The following MDN1 variants were observed in gnomAD, a reference collection of about 807,000 sequenced individuals.
MDN1 encodes the protein midasin AAA ATPase 1, also known as midasin.
MDN1 carries 266 observed loss-of-function variants against 669.2 expected under a neutral mutation model. The ratio of observed to expected loss-of-function variants is 0.40; its 90% CI spans 0.36 to 0.44. The LOEUF is 0.44. Ranked by LOEUF, MDN1 falls within the 20% of genes least tolerant of loss-of-function variation. The pLI, the probability that MDN1 is intolerant of heterozygous loss-of-function variation, is 1.00. For missense variants in MDN1, 5,940 were observed against 6,754.0 expected (o/e 0.88, Z 4.22); for synonymous variants, 2,385 against 2,457.1 (o/e 0.97, Z 0.87).
chr6:89,754,183 C>G lies in MDN1; in HGVS notation c.2864G>C (p.Gly955Ala). 6.2e-7 allele frequency: 1 copy of G among 1,614,052 alleles called. No individual in the cohort carries two copies. The highest frequency in any genetic ancestry group is 8.5e-7 in the Non-Finnish European group (1 of 1,179,968). The change falls in exon 21 of 102, where the codon GGC (glycine) becomes GCC (alanine). Residue 955 changes from glycine to alanine, a missense_variant. Transcript: ENST00000369393. Reference protein sequence around the residue: ...RKESGTKLVDGTGHRPHYSLR... With the variant: ...RKESGTKLVDATGHRPHYSLR... Reference sequence around the variant, plus strand: ...GCTGTAGTGAGGTCTATGGCCAGTGCCATCCACCAGTTTGGTCCCAGACTC... The same window carrying G: ...GCTGTAGTGAGGTCTATGGCCAGTGGCATCCACCAGTTTGGTCCCAGACTC...
chr6:89,655,013 G>T (rs1196895606), intron 92 of MDN1, among the ~76,000 whole-genome samples: 5 of 152,150 alleles, frequency 3.3e-5, no homozygotes, highest in Non-Finnish European at 5.9e-5. Flanking sequence ...TAGCTCATAG[G>T]ATTAGTTGAG....
At chr6:89,789,639 G>A in intron 7 of MDN1, 141 bp downstream of exon 7, 1 of 947,912 alleles carries the variant, frequency 1.1e-6, no homozygotes, top group African/African-American at 1.7e-5. Context: ...GATCAGGTAA[G>A]TAACCATGAA....
In MDN1 at chr6:89,673,301, A is replaced by G; in HGVS notation, c.13409T>C (p.Ile4470Thr). ...VESLEYVRGE[I>T]SKAMADFTTW... ...AGTAAAGTCAGCCATGGCTTTACTA[A>G]TTTCTCCTCTTACATATTCCAGACT... The change falls in exon 80 of 102, where the codon ATT becomes ACT. Residue 4470 changes from isoleucine (I) to threonine (T), a missense_variant. Coordinates refer to ENST00000369393, the MANE Select transcript of MDN1 (RefSeq NM_014611.3). 1 of 1,614,136 alleles carries G rather than the reference A, an allele frequency of 6.2e-7. No homozygotes were observed. Among genetic ancestry groups the G allele is most frequent in the East Asian group, 2.2e-5 (1 of 44,880 alleles).
At position 89,706,150 on chromosome 6, in the gene MDN1, T is replaced by C. The variant is rs576191571; in HGVS notation, c.8057A>G (p.Asn2686Ser). ...ACAAAGTTCAAAAAAAGCAGCAAGA[T>C]TGACCACAATTTCATGGGGCAGAGT... ...YHTLPHEIVVNLAAFFELCDA... is the reference protein window; with the variant it reads ...YHTLPHEIVVSLAAFFELCDA... The change falls in exon 53 of 102, where the codon AAT becomes AGT. Residue 2686 changes from asparagine to serine, a missense_variant. Physicochemically the swap from Asn to Ser is conservative, Grantham distance 46. Coordinates refer to ENST00000369393, the MANE Select transcript of MDN1 (RefSeq NM_014611.3). The C allele has an allele frequency of 3.0e-5, 48 of 1,613,694 alleles. 1 individual carries two copies. The Admixed American group carries it at 3.5e-4, about 12-fold the overall frequency.
rs9294447 is a variant in MDN1 at position 89,696,848 on chromosome 6, G to C, written c.9169-274C>G. Among the ~76,000 whole-genome samples, 5,748 of 152,236 alleles carry C rather than the reference G, an allele frequency of 0.038. 628 individuals carry two copies. In the East Asian group the frequency reaches 0.4, roughly 10 times the overall value. Reference sequence around the variant, plus strand: ...AGAGCACATTCTTGCAGAAGGGAAAGAAACACACTGCAGGAGGATAAGAGC... The same window carrying C: ...AGAGCACATTCTTGCAGAAGGGAAACAAACACACTGCAGGAGGATAAGAGC... On this transcript the variant is annotated intron_variant, in intron 59 of 101. Coordinates refer to ENST00000369393, the MANE Select transcript of MDN1 (RefSeq NM_014611.3).
At chr6:89,740,707 G>A (rs1207418299) in intron 31 of MDN1, among the ~76,000 whole-genome samples, 1 of 152,276 alleles carries the variant, frequency 6.6e-6, no homozygotes, top group South Asian at 2.1e-4. Context: ...TCATTGACTG[G>A]TGAATGGATA....
rs1220933015 is a variant in MDN1, at chr6:89,712,858, A to G, written c.7219-72T>C. On this transcript the variant is annotated intron_variant, in intron 47 of 101. Transcript: ENST00000369393. ...ATATTCCCCAAAAACCAGCAAAGTAATAATAGTCCATGCGACCACCTCACA... is the reference window on the plus strand; with the variant it reads ...ATATTCCCCAAAAACCAGCAAAGTAGTAATAGTCCATGCGACCACCTCACA... 6.6e-6 allele frequency: 9 copies of G among 1,370,524 alleles called. No homozygotes were observed. The Admixed American group carries it at 9.1e-5, about 14-fold the overall frequency. The allele number at this position is 1,370,524 out of a possible 1,614,324, so 84.9% of individuals were successfully genotyped here. A position where few individuals can be genotyped will look rare whatever the true frequency, so the allele number is the denominator to read the frequency against.
chr6:89,810,902 T>G (rs1007162519), intron 1 of MDN1, among the ~76,000 whole-genome samples: 6 of 152,090 alleles, frequency 3.9e-5, no homozygotes, highest in African/African-American at 1.4e-4. Context: ...GGCAGGAGAA[T>G]TGCTTGAACC....
intron 9 of MDN1, among the ~76,000 whole-genome samples, 173 bp from the exon 10 acceptor site, chr6:89,781,765 G>A (rs911084614): frequency 1.1e-5 from 1 of 91,226 alleles, no homozygotes; most frequent in Non-Finnish European, 2.2e-5. Context: ...CCAAGGCAGA[G>A]GAATTGCTTG....
chr6:89,778,931 T>TAAAA (rs748156380), intron 11 of MDN1, among the ~76,000 whole-genome samples: 153 of 138,000 alleles, frequency 1.1e-3, no homozygotes, highest in African/African-American at 4.1e-3. Context: ...AATAAATAAA[T>TAAAA]AAAAAAAAAG....
At chr6:89,656,048 G>C in intron 91 of MDN1, 80 bp from the exon 92 acceptor site, 1 of 1,277,410 alleles carries the variant, frequency 7.8e-7, no homozygotes, top group Non-Finnish European at 1.1e-6. Context: ...TCCATCTATA[G>C]GGGACAGGAT....
In MDN1 at chr6:89,772,458, T is replaced by G. The variant is rs1282829704; in HGVS notation, c.2083+115A>C. ...GTTATTTCCAGGCAGAGATTACATG[T>G]GGGGTGCTGGCACTCTTTAAACTCT... On this transcript the variant is annotated intron_variant, in intron 14 of 101. Transcript: ENST00000369393. The G allele has an allele frequency of 1.2e-5, 13 of 1,104,542 alleles. No homozygotes were observed. In the East Asian group the frequency reaches 1.9e-4, roughly 16 times the overall value. 68.4% of individuals were successfully genotyped at this position (1,104,542 alleles called of 1,614,324 possible).
At chr6:89,705,548 T>A (rs938319196) in intron 53 of MDN1, among the ~76,000 whole-genome samples, 1 of 152,194 alleles carries the variant, frequency 6.6e-6, no homozygotes, top group Non-Finnish European at 1.5e-5. Flanking sequence ...CACAATGGAA[T>A]ACTACTCAGC....
At chr6:89,654,943 C>T (rs1809151480) in intron 92 of MDN1, among the ~76,000 whole-genome samples, 1 of 152,126 alleles carries the variant, frequency 6.6e-6, no homozygotes, top group Non-Finnish European at 1.5e-5. Context: ...TGTGATCTTG[C>T]GTGAGTGAGT....
At chr6:89,651,440 C>A (rs1207339737) in intron 95 of MDN1, among the ~76,000 whole-genome samples, 14 of 151,838 alleles carry the variant, frequency 9.2e-5, no homozygotes, top group African/African-American at 3.1e-4. Context: ...CATGGTGAAA[C>A]CCCGTCTCTA....
intron 101 of MDN1, among the ~76,000 whole-genome samples, chr6:89,644,695 C>CA (rs941343613): frequency 2.0e-5 from 3 of 152,212 alleles, no homozygotes; most frequent in Non-Finnish European, 4.4e-5. Flanking sequence ...GCAATACCTG[C>CA]ACTGACTTTG....
In MDN1 at chr6:89,756,252, TAAAGACATACA is replaced by T. The variant is rs762351043; in HGVS notation, c.2816+14_2816+24del. 7 of 1,183,392 alleles carry T rather than the reference TAAAGACATACA, an allele frequency of 5.9e-6. No homozygotes were observed. The highest frequency in any genetic ancestry group is 1.6e-5 in the African/African-American group (1 of 63,956). The allele number at this position is 1,183,392 out of a possible 1,614,324, so 73.3% of individuals were successfully genotyped here. A position where few individuals can be genotyped will look rare whatever the true frequency, so the allele number is the denominator to read the frequency against. ...TTTTCATGTTCAGAGAAAGAGCTTA[TAAAGACATACA>T]AAAGGGAACCTACTTTATGATTCCT... is the stretch of plus-strand genomic sequence containing the variant. On this transcript the variant is annotated intron_variant, in intron 20 of 101. Transcript: ENST00000369393.
intron 27 of MDN1, among the ~76,000 whole-genome samples, chr6:89,746,617 AAG>A (rs1562173086): frequency 2.1e-4 from 2 of 9,508 alleles, no homozygotes; most frequent in African/African-American, 3.6e-4. Flanking sequence ...AAAAAAAAGA[AAG>A]AAAGAAAGAA....
chr6:89,811,989 C>G (rs1562244688), intron 1 of MDN1, among the ~76,000 whole-genome samples: 2 of 145,588 alleles, frequency 1.4e-5, no homozygotes, highest in Non-Finnish European at 3.0e-5. Context: ...CAAGAAAAAA[C>G]TTTTTTTTTT....
Sources: allele counts gnomAD v4.1 joint callset (sites outside exome capture counted in the v4.1 genomes callset), GRCh38; gene constraint gnomAD v4.1.1; transcripts MANE v1.5; gene names NCBI Gene and HGNC (gene_info 2026-07-23, HGNC 2026-07-21).